ROBO1: variants seen among roughly 807,000 people sequenced by gnomAD.
The protein encoded by ROBO1 is roundabout guidance receptor 1.
A neutral mutation model predicts 195.9 loss-of-function variants in ROBO1; 149 were observed. The observed-to-expected ratio is 0.76, with a 90% CI of 0.67 to 0.87. The LOEUF (loss-of-function observed/expected upper bound fraction) is 0.87, where lower values mean the gene tolerates loss of function less well. Among genes scored for constraint, ROBO1 ranks in the 40% least tolerant of loss-of-function variants. The pLI is 0.00. For missense variants in ROBO1, 1,933 were observed against 2,068.3 expected, an observed-to-expected ratio of 0.93 and a Z score of 1.27; for synonymous variants, 816 against 733.2, an observed-to-expected ratio of 1.11 and a Z score of -1.82.
chr3:78,702,636 C>G (rs1450066761), intron 8 of ROBO1, among the ~76,000 whole-genome samples: 1 of 152,158 alleles, frequency 6.6e-6, no homozygotes, highest in East Asian at 1.9e-4. Context: ...CATTCTCAGG[C>G]TGAGCAGCTG....
chr3:78,753,106 A>G (rs1309922252), intron 4 of ROBO1, among the ~76,000 whole-genome samples: 1 of 152,160 alleles, frequency 6.6e-6, no homozygotes, highest in Non-Finnish European at 1.5e-5. Flanking sequence ...TATGATAACA[A>G]CGTAACATGA....
chr3:78,787,300 AATAAT>A (rs1214980219), intron 4 of ROBO1, among the ~76,000 whole-genome samples: 1 of 152,218 alleles, frequency 6.6e-6, no homozygotes, highest in Admixed American at 6.5e-5. Flanking sequence ...TTGTTGTATT[AATAAT>A]ATAACTATTC....
chr3:78,799,044 TG>T (rs2084273306), intron 4 of ROBO1, among the ~76,000 whole-genome samples: 2 of 152,010 alleles, frequency 1.3e-5, no homozygotes, highest in Admixed American at 1.3e-4. Flanking sequence ...GAGTTGAGAG[TG>T]ATGATATGAT....
chr3:79,414,340 A>G (rs1420564644), intron 2 of ROBO1, among the ~76,000 whole-genome samples: 4 of 151,776 alleles, frequency 2.6e-5, no homozygotes, highest in African/African-American at 9.7e-5. Context: ...TCCTAAATTC[A>G]GTTATGATTG....
intron 2 of ROBO1, among the ~76,000 whole-genome samples, chr3:79,408,420 T>C (rs964467676): frequency 1.3e-5 from 2 of 152,008 alleles, no homozygotes; most frequent in Non-Finnish European, 2.9e-5. Flanking sequence ...GAATTTTTAC[T>C]AGAGTTGGGG....
chr3:79,125,722 A>G lies in ROBO1; in HGVS notation c.89-183T>C, dbSNP rs186340535. On this transcript the variant is annotated intron_variant, in intron 2 of 30. Coordinates refer to ENST00000464233, the MANE Select transcript of ROBO1 (RefSeq NM_002941.4). Reference sequence around the variant, plus strand: ...CACTAAGCCCTGCGAAGGTCTCAGCATCATGGTTTTTACAGTTTCTACTTT... The same window carrying G: ...CACTAAGCCCTGCGAAGGTCTCAGCGTCATGGTTTTTACAGTTTCTACTTT... 2.6e-3 allele frequency among the ~76,000 whole-genome samples: 394 copies of G among 152,220 alleles called. 4 individuals carry two copies. The highest frequency in any genetic ancestry group is 8.9e-3 in the African/African-American group (369 of 41,538).
At chr3:78,740,450 T>TTTTCTTTC (rs150036229) in intron 5 of ROBO1, among the ~76,000 whole-genome samples, 19,865 of 102,972 alleles carry the variant, frequency 0.19, 1,652 homozygotes, top group Non-Finnish European at 0.25. Flanking sequence ...ATTTTTCTTT[T>TTTTCTTTC]TTTCTTTCTT....
intron 2 of ROBO1, among the ~76,000 whole-genome samples, chr3:79,152,105 C>T (rs899634005): frequency 5.3e-5 from 8 of 151,600 alleles, no homozygotes; most frequent in Non-Finnish European, 8.8e-5. Flanking sequence ...AAAAAAATTC[C>T]GATTATCTAG....
intron 3 of ROBO1, among the ~76,000 whole-genome samples, chr3:78,948,193 T>C (rs1232872855): frequency 1.3e-5 from 2 of 152,198 alleles, no homozygotes; most frequent in African/African-American, 4.8e-5. Flanking sequence ...ATCATCCTGA[T>C]ACCAAAGCAT....
intron 5 of ROBO1, among the ~76,000 whole-genome samples, chr3:78,739,802 T>C (rs1169949129): frequency 6.6e-6 from 1 of 152,178 alleles, no homozygotes; most frequent in Admixed American, 6.5e-5. Context: ...CAACTTCCAT[T>C]CTGTGAACTA....
chr3:78,964,311 T>C (rs1401943862), intron 3 of ROBO1, among the ~76,000 whole-genome samples: 1 of 152,064 alleles, frequency 6.6e-6, no homozygotes, highest in Non-Finnish European at 1.5e-5. Context: ...CAACAACATT[T>C]TGGGGGACAA....
At chr3:79,153,379 G>A (rs1280060515) in intron 2 of ROBO1, among the ~76,000 whole-genome samples, 4 of 151,622 alleles carry the variant, frequency 2.6e-5, no homozygotes, top group Non-Finnish European at 5.9e-5. Flanking sequence ...ACAGTAATTT[G>A]AAAGCTAGCT....
At chr3:79,159,671 C>A (rs532881178) in intron 2 of ROBO1, among the ~76,000 whole-genome samples, 1 of 152,080 alleles carries the variant, frequency 6.6e-6, no homozygotes, top group East Asian at 1.9e-4. Flanking sequence ...CAATTTATGT[C>A]AAGTCCTTCA....
intron 2 of ROBO1, among the ~76,000 whole-genome samples, chr3:79,484,148 C>T (rs114050347): frequency 2.6e-5 from 4 of 152,226 alleles, no homozygotes; most frequent in South Asian, 2.1e-4. Flanking sequence ...AGATCCCCCA[C>T]GGGGATCAGT....
chr3:78,601,284 C>A (rs1703155221), intron 29 of ROBO1, among the ~76,000 whole-genome samples: 1 of 152,162 alleles, frequency 6.6e-6, no homozygotes, highest in Non-Finnish European at 1.5e-5. Flanking sequence ...AGCTCACCAT[C>A]ACCAGTTCTA....
intron 4 of ROBO1, among the ~76,000 whole-genome samples, chr3:78,765,271 ATTATAT>A (rs2083202088): frequency 6.6e-6 from 1 of 152,082 alleles, no homozygotes; most frequent in East Asian, 1.9e-4. Context: ...TAAAGTTTTG[ATTATAT>A]TTACAAGACA....
At chr3:79,750,156 A>G (rs1187756649) in intron 1 of ROBO1, among the ~76,000 whole-genome samples, 1 of 152,156 alleles carries the variant, frequency 6.6e-6, no homozygotes, top group African/African-American at 2.4e-5. Flanking sequence ...ATCATTTTGG[A>G]GCTTTAAGGT....
At chr3:79,403,895 G>C (rs2037454334) in intron 2 of ROBO1, among the ~76,000 whole-genome samples, 1 of 151,974 alleles carries the variant, frequency 6.6e-6, no homozygotes, top group Admixed American at 6.6e-5. Context: ...TCTCTCTGTG[G>C]CAGAAGCTGG....
intron 2 of ROBO1, among the ~76,000 whole-genome samples, chr3:79,522,165 C>T (rs945305558): frequency 5.3e-5 from 8 of 152,010 alleles, no homozygotes; most frequent in Non-Finnish European, 1.0e-4. Context: ...ATAATAAATT[C>T]TGTATTTTAA....
Sources: allele counts gnomAD v4.1 joint callset (sites outside exome capture counted in the v4.1 genomes callset), GRCh38; gene constraint gnomAD v4.1.1; transcripts MANE v1.5; gene names NCBI Gene and HGNC (gene_info 2026-07-23, HGNC 2026-07-21).